The following CHL1 variants were observed in gnomAD, a reference collection of about 807,000 sequenced individuals.
CHL1 encodes the protein neural cell adhesion molecule L1-like protein.
A neutral mutation model predicts 141.9 loss-of-function variants in CHL1; 96 were observed. That is an observed-to-expected ratio of 0.68 (90% CI 0.57 to 0.80). CHL1 has a LOEUF of 0.80. CHL1 is among the 30% of genes least tolerant of loss of function. The pLI is 0.00. For synonymous variants in CHL1, 613 were observed against 502.2 expected (o/e 1.22, Z -2.95); for missense variants, 1,820 against 1,457.2 (o/e 1.25, Z -4.05).
chr3:263,980 A>C (rs1694954506), intron 2 of CHL1, among the ~76,000 whole-genome samples: 1 of 152,226 alleles, frequency 6.6e-6, no homozygotes, highest in Admixed American at 6.5e-5. Context: ...TGCTTATCTA[A>C]GACGGATAGT....
intron 2 of CHL1, among the ~76,000 whole-genome samples, chr3:298,974 G>C (rs1015172100): frequency 2.0e-5 from 3 of 152,168 alleles, no homozygotes. Flanking sequence ...GCCGTGTTAA[G>C]GTGCTATAAC....
chr3:342,039 G>A lies in CHL1; in HGVS notation c.636G>A (p.Arg212=). 4 of 1,613,498 alleles carry A rather than the reference G, an allele frequency of 2.5e-6. No homozygotes were observed. The highest frequency in any genetic ancestry group is 3.4e-6 in the Non-Finnish European group (4 of 1,179,534). Residue 212 remains arginine (R), a synonymous_variant, in exon 7 of 28, where the codon AGG becomes AGA. Transcript: ENST00000256509. ...YCCFAAFPRL[R]TIVQKMPMKL... is the part of the protein sequence containing the mutation. ...GCTTTGCTGCATTTCCAAGATTAAG[G>A]ACTATTGTACAGAAAATGCCAATGA... is the stretch of plus-strand genomic sequence containing the variant.
intron 1 of CHL1, among the ~76,000 whole-genome samples, chr3:210,049 C>G (rs1046139473): frequency 1.3e-5 from 2 of 152,080 alleles, no homozygotes; most frequent in Non-Finnish European, 2.9e-5. Flanking sequence ...CTGTTTAAGA[C>G]CTCAATAGAT....
intron 2 of CHL1, among the ~76,000 whole-genome samples, chr3:258,520 G>A (rs944354008): frequency 5.9e-5 from 9 of 152,134 alleles, no homozygotes; most frequent in Admixed American, 1.3e-4. Flanking sequence ...AATTAAAATC[G>A]AAACCCTGTT....
rs538965720 is a variant in CHL1 at position 370,127 on chromosome 3, C to T, written c.1751+4012C>T. Among the ~76,000 whole-genome samples the T allele has an allele frequency of 1.1e-4, 16 of 152,134 alleles. No homozygotes were observed. The South Asian group carries it at 1.5e-3, about 14-fold the overall frequency. Reference sequence around the variant, plus strand: ...CTGGCTTCACAAAATTATTTAGGGACGAGTCCCTTCTTTTCAATTGTGTGG... The same window carrying T: ...CTGGCTTCACAAAATTATTTAGGGATGAGTCCCTTCTTTTCAATTGTGTGG... On this transcript the variant is annotated intron_variant, in intron 15 of 27. Coordinates refer to ENST00000256509, the MANE Select transcript of CHL1 (RefSeq NM_006614.4).
At chr3:271,550 GA>G (rs1213936106) in intron 2 of CHL1, among the ~76,000 whole-genome samples, 1 of 152,200 alleles carries the variant, frequency 6.6e-6, no homozygotes, top group Non-Finnish European at 1.5e-5. Flanking sequence ...TTTCTCGCAA[GA>G]TATAATGAAG....
intron 19 of CHL1, among the ~76,000 whole-genome samples, chr3:384,138 G>A (rs893534385): frequency 4.6e-5 from 7 of 152,040 alleles, no homozygotes; most frequent in Non-Finnish European, 7.4e-5. Context: ...ATACATTACC[G>A]AAGTTTCAAA....
At chr3:313,086 T>C (rs1699884764) in intron 2 of CHL1, among the ~76,000 whole-genome samples, 1 of 152,160 alleles carries the variant, frequency 6.6e-6, no homozygotes, top group Admixed American at 6.5e-5. Context: ...CCCTTCTTTT[T>C]TGGCTGTGTG....
intron 13 of CHL1, among the ~76,000 whole-genome samples, chr3:362,607 A>G (rs1704386524): frequency 7.0e-6 from 1 of 143,814 alleles, no homozygotes; most frequent in Admixed American, 7.6e-5. Context: ...CATGGACCGC[A>G]TCCACAGCTT....
intron 2 of CHL1, among the ~76,000 whole-genome samples, chr3:295,569 T>C (rs888648581): frequency 6.6e-6 from 1 of 152,216 alleles, no homozygotes; most frequent in African/African-American, 2.4e-5. Flanking sequence ...TCTTTTTTTT[T>C]CTTCTGTTCT....
intron 5 of CHL1, among the ~76,000 whole-genome samples, chr3:334,713 A>C (rs549377688): frequency 6.6e-6 from 1 of 152,164 alleles, no homozygotes; most frequent in Non-Finnish European, 1.5e-5. Flanking sequence ...ACTTTTGGCT[A>C]TTATAAATAG....
intron 1 of CHL1, among the ~76,000 whole-genome samples, chr3:207,515 T>C (rs977864756): frequency 6.6e-6 from 1 of 152,212 alleles, no homozygotes; most frequent in Admixed American, 6.5e-5. Flanking sequence ...ATGTAAAGAA[T>C]GCTTAAGGCA....
intron 2 of CHL1, among the ~76,000 whole-genome samples, chr3:298,560 G>A (rs1208023998): frequency 2.0e-5 from 3 of 152,168 alleles, no homozygotes; most frequent in African/African-American, 7.2e-5. Flanking sequence ...TTTCAGGTTT[G>A]TTTATCATAA....
chr3:216,633 C>G (rs1700347551), intron 1 of CHL1, among the ~76,000 whole-genome samples: 1 of 152,222 alleles, frequency 6.6e-6, no homozygotes, highest in Non-Finnish European at 1.5e-5. Flanking sequence ...TCACTGCCAA[C>G]TACCCATGGG....
chr3:222,106 A>G (rs1271029836), intron 1 of CHL1, among the ~76,000 whole-genome samples: 3 of 152,226 alleles, frequency 2.0e-5, no homozygotes, highest in Non-Finnish European at 4.4e-5. Flanking sequence ...TCTATGCTAT[A>G]TTACTTGTAT....
chr3:280,882 C>G (rs888367097), intron 2 of CHL1, among the ~76,000 whole-genome samples: 2 of 150,820 alleles, frequency 1.3e-5, no homozygotes, highest in African/African-American at 2.5e-5. Flanking sequence ...CACGTAGACA[C>G]ACACATGCAC....
intron 5 of CHL1, among the ~76,000 whole-genome samples, chr3:338,447 T>A (rs1039711627): frequency 6.6e-6 from 1 of 152,216 alleles, no homozygotes; most frequent in African/African-American, 2.4e-5. Context: ...ATGGAGTCAT[T>A]TCTTTATCTG....
intron 1 of CHL1, among the ~76,000 whole-genome samples, chr3:239,473 T>C (rs1692336592): frequency 6.6e-6 from 1 of 151,974 alleles, no homozygotes; most frequent in Non-Finnish European, 1.5e-5. Context: ...TCCCTCCTGC[T>C]CCATGAAGCT....
chr3:317,321 G>A (rs1176094288), intron 2 of CHL1, among the ~76,000 whole-genome samples: 1 of 151,928 alleles, frequency 6.6e-6, no homozygotes, highest in Non-Finnish European at 1.5e-5. Flanking sequence ...ACTAAAATTA[G>A]AGACCAGTGA....
Sources: allele counts gnomAD v4.1 joint callset (sites outside exome capture counted in the v4.1 genomes callset), GRCh38; gene constraint gnomAD v4.1.1; transcripts MANE v1.5; gene names NCBI Gene and HGNC (gene_info 2026-07-23, HGNC 2026-07-21).